Variants in KIF16B observed in about 807,000 individuals in gnomAD.
KIF16B encodes the protein kinesin family member 16B.
KIF16B carries 98 observed loss-of-function variants against 156.3 expected under a neutral mutation model. The ratio of observed to expected loss-of-function variants is 0.63; its 90% CI spans 0.53 to 0.74. The LOEUF (loss-of-function observed/expected upper bound fraction) is 0.74, where lower values mean the gene tolerates loss of function less well. Ranked by LOEUF, KIF16B falls within the 30% of genes least tolerant of loss-of-function variation. KIF16B has a pLI of 0.00. For missense variants in KIF16B, 1,421 were observed against 1,606.5 expected, an observed-to-expected ratio of 0.88 and a Z score of 1.97; for synonymous variants, 564 against 583.7, an observed-to-expected ratio of 0.97 and a Z score of 0.49.
intron 12 of KIF16B, among the ~76,000 whole-genome samples, chr20:16,461,646 G>C (rs891188386): frequency 1.1e-4 from 17 of 152,116 alleles, no homozygotes; most frequent in Non-Finnish European, 2.2e-4. Flanking sequence ...TTTCTTAATG[G>C]AATACTGACT....
chr20:16,300,981 GCCTATTCATC>G (rs1282655789), intron 25 of KIF16B, among the ~76,000 whole-genome samples: 11 of 152,160 alleles, frequency 7.2e-5, no homozygotes, highest in Admixed American at 5.2e-4. Context: ...TTTATTCTCT[GCCTATTCATC>G]TCTCCCCTCC....
chr20:16,365,855 C>T (rs977083353), intron 22 of KIF16B, among the ~76,000 whole-genome samples: 1 of 152,136 alleles, frequency 6.6e-6, no homozygotes, highest in African/African-American at 2.4e-5. Flanking sequence ...CACTCAGCTG[C>T]ATCCAACGTC....
At chr20:16,568,148 G>T (rs1250805823) in intron 1 of KIF16B, among the ~76,000 whole-genome samples, 1 of 151,978 alleles carries the variant, frequency 6.6e-6, no homozygotes, top group Non-Finnish European at 1.5e-5. Flanking sequence ...CAGGCAAAAT[G>T]CCACTGGTGG....
At chr20:16,373,263 C>T (rs776523216) in intron 20 of KIF16B, among the ~76,000 whole-genome samples, 3 of 152,184 alleles carry the variant, frequency 2.0e-5, no homozygotes, top group African/African-American at 4.8e-5. Context: ...CAATTTATCA[C>T]CCCTGATAGT....
chr20:16,362,100 C>A (rs979008624), intron 22 of KIF16B, among the ~76,000 whole-genome samples: 1 of 152,146 alleles, frequency 6.6e-6, no homozygotes, highest in Non-Finnish European at 1.5e-5. Flanking sequence ...CAGGTTAGGA[C>A]CCTCAGGGAA....
chr20:16,435,505 T>G (rs776338246), intron 12 of KIF16B, among the ~76,000 whole-genome samples: 1 of 152,230 alleles, frequency 6.6e-6, no homozygotes, highest in African/African-American at 2.4e-5. Flanking sequence ...GTGTTGAACA[T>G]CCTCTACTCT....
intron 1 of KIF16B, among the ~76,000 whole-genome samples, chr20:16,538,431 T>C (rs1189443482): frequency 6.6e-6 from 1 of 152,206 alleles, no homozygotes; most frequent in East Asian, 1.9e-4. Context: ...AAATGAACTA[T>C]GCCTCTCCCT....
At chr20:16,514,963 T>C (rs2147078816) in intron 4 of KIF16B, among the ~76,000 whole-genome samples, 1 of 150,314 alleles carries the variant, frequency 6.7e-6, no homozygotes, top group Non-Finnish European at 1.5e-5. Flanking sequence ...AACAAGAAAG[T>C]TCTTGCAATA....
Position 16,356,442 on chromosome 20 carries a change from G to A in KIF16B, c.3509C>T (p.Ser1170Phe). ...ATCTGGATTTGCGCCCAAAGAGCGA[G>A]AAACCATCCGCTATCAAAGGCATGT... ...QRKLKYERMV[S>F]RSLGANPDDL... Residue 1170 changes from serine (S) to phenylalanine (F), a missense_variant, in exon 23 of 26, where the codon TCT becomes TTT. Ser to Phe is a radical substitution (Grantham distance 155, BLOSUM62 -2). Transcript: ENST00000354981. 6.2e-7 allele frequency: 1 copy of A among 1,613,980 alleles called. No individual in the cohort carries two copies. Among genetic ancestry groups the A allele is most frequent in the East Asian group, 2.2e-5 (1 of 44,874 alleles).
chr20:16,490,927 G>C (rs2068270916), intron 12 of KIF16B, among the ~76,000 whole-genome samples: 2 of 152,308 alleles, frequency 1.3e-5, no homozygotes, highest in African/African-American at 4.8e-5. Flanking sequence ...TAATGAGACA[G>C]TCCTTGGCCA....
At chr20:16,461,856 T>C (rs1318309314) in intron 12 of KIF16B, among the ~76,000 whole-genome samples, 3 of 152,208 alleles carry the variant, frequency 2.0e-5, no homozygotes, top group African/African-American at 4.8e-5. Flanking sequence ...AAGGCAGTTA[T>C]TTGAGAATCA....
In KIF16B at chr20:16,511,450, C is replaced by T. The variant is rs1192239399; in HGVS notation, c.524G>A (p.Arg175His). ...ATAAGGGCCTTCTTTGGGATGCTCACGGACTCTCAAATTGAAGGTTTTAGA... is the reference window on the plus strand; with the variant it reads ...ATAAGGGCCTTCTTTGGGATGCTCATGGACTCTCAAATTGAAGGTTTTAGA... ...KSSKTFNLRV[R>H]EHPKEGPYVE... The change falls in exon 6 of 26, where the codon CGT becomes CAT. Residue 175 changes from arginine (R) to histidine (H), a missense_variant. Transcript: ENST00000354981. 4 of 1,610,694 alleles carry T rather than the reference C, an allele frequency of 2.5e-6. No individual in the cohort carries two copies. Among genetic ancestry groups the T allele is most frequent in the Middle Eastern group, 1.7e-4 (1 of 6,054 alleles).
At chr20:16,571,064 C>A (rs2071432330) in intron 1 of KIF16B, among the ~76,000 whole-genome samples, 1 of 152,200 alleles carries the variant, frequency 6.6e-6, no homozygotes, top group Non-Finnish European at 1.5e-5. Flanking sequence ...AACACTTGCT[C>A]TGTGCTTGTA....
At chr20:16,297,465 G>A (rs1346843410) in intron 25 of KIF16B, among the ~76,000 whole-genome samples, 1 of 152,148 alleles carries the variant, frequency 6.6e-6, no homozygotes, top group Non-Finnish European at 1.5e-5. Flanking sequence ...GGCTGAGGCG[G>A]GCACATCACG....
intron 12 of KIF16B, among the ~76,000 whole-genome samples, chr20:16,486,705 ATAGC>A (rs2068126723): frequency 6.6e-6 from 1 of 151,714 alleles, no homozygotes; most frequent in Non-Finnish European, 1.5e-5. Flanking sequence ...TTATCGTCAC[ATAGC>A]CAAATGAGCT....
intron 3 of KIF16B, among the ~76,000 whole-genome samples, chr20:16,518,509 A>T (rs1303239758): frequency 6.6e-6 from 1 of 151,726 alleles, no homozygotes; most frequent in African/African-American, 2.4e-5. Flanking sequence ...TAAAATAAAA[A>T]CTCGCTCATC....
At position 16,448,903 on chromosome 20, in the gene KIF16B, G is replaced by A. The variant is rs1024032478; in HGVS notation, c.1303-18921C>T. Among the ~76,000 whole-genome samples, 22 of 118,996 alleles carry A rather than the reference G, an allele frequency of 1.8e-4. No homozygotes were observed. The East Asian group carries it at 3.9e-3, about 21-fold the overall frequency. The allele number at this position is 118,996 out of a possible 152,430, so 78.1% of individuals were successfully genotyped here. On this transcript the variant is annotated intron_variant, in intron 12 of 25. Coordinates refer to ENST00000354981, the MANE Select transcript of KIF16B (RefSeq NM_024704.5). ...GAGAGAGAGAGAGAGAGAGAGAGAG[G>A]GAGGAAACAATTGACATGTGAGTGG...
intron 24 of KIF16B, among the ~76,000 whole-genome samples, chr20:16,332,236 C>T (rs1236612929): frequency 6.6e-6 from 1 of 152,108 alleles, no homozygotes; most frequent in Non-Finnish European, 1.5e-5. Flanking sequence ...TTATTTACAT[C>T]TCCCACTCTT....
Position 16,444,961 on chromosome 20 carries a change from C to T in KIF16B, c.1303-14979G>A, listed in dbSNP as rs149419944. Among the ~76,000 whole-genome samples, 5 of 152,312 alleles carry T rather than the reference C, an allele frequency of 3.3e-5. No homozygotes were observed. The East Asian group carries it at 9.6e-4, about 29-fold the overall frequency. On this transcript the variant is annotated intron_variant, in intron 12 of 25. Coordinates refer to ENST00000354981, the MANE Select transcript of KIF16B (RefSeq NM_024704.5). Reference sequence around the variant, plus strand: ...TGAACTCAACTGAGGGCAAAAGCCTCCTCTGTTTCCAGCGTCTCAGCATAG... The same window carrying T: ...TGAACTCAACTGAGGGCAAAAGCCTTCTCTGTTTCCAGCGTCTCAGCATAG...
Sources: allele counts gnomAD v4.1 joint callset (sites outside exome capture counted in the v4.1 genomes callset), GRCh38; gene constraint gnomAD v4.1.1; transcripts MANE v1.5; gene names NCBI Gene and HGNC (gene_info 2026-07-23, HGNC 2026-07-21).